The following CCDC83 variants were observed in gnomAD, a reference collection of about 807,000 sequenced individuals.
CCDC83 encodes coiled-coil domain containing 83.
Under a neutral mutation model 50.1 loss-of-function variants are expected in CCDC83, and 54 were observed. The observed-to-expected ratio is 1.08, with a 90% CI of 0.87 to 1.35. CCDC83 has a LOEUF of 1.35. CCDC83 is among the 40% of genes most tolerant of loss of function. The probability of loss-of-function intolerance (pLI) is 0.00; values close to 1 mark genes in which losing one functional copy is unlikely to be tolerated. For synonymous variants in CCDC83, 161 were observed against 153.3 expected (o/e 1.05, Z -0.37); for missense variants, 518 against 473.9 (o/e 1.09, Z -0.86).
intron 8 of CCDC83, among the ~76,000 whole-genome samples, chr11:85,914,596 T>C (rs899244392): frequency 6.6e-6 from 1 of 152,174 alleles, no homozygotes; most frequent in Non-Finnish European, 1.5e-5. Context: ...TTCAGGACAC[T>C]ATCATTCCGC....
intron 2 of CCDC83, among the ~76,000 whole-genome samples, chr11:85,867,081 A>C (rs2093211623): frequency 6.6e-6 from 1 of 152,176 alleles, no homozygotes; most frequent in African/African-American, 2.4e-5. Flanking sequence ...TTAAAGACAG[A>C]GTCTCACTCT....
In CCDC83 at chr11:85,916,051, A is replaced by AAGAAGAGAAGT; in HGVS notation, c.898_899insAGAAGAGAAGT (p.Thr300LysfsTer7). 1 of 1,611,382 alleles carries AAGAAGAGAAGT rather than the reference A, an allele frequency of 6.2e-7. No homozygotes were observed. Among genetic ancestry groups the AAGAAGAGAAGT allele is most frequent in the Non-Finnish European group, 8.5e-7 (1 of 1,178,624 alleles). Reference sequence around the variant, plus strand: ...AGAAGAGAAGTCAGAATTGCAACCCACAGAAGTAGAAAGTAGAGACTTGAT... The same window carrying AAGAAGAGAAGT: ...AGAAGAGAAGTCAGAATTGCAACCCAAGAAGAGAAGTCAGAAGTAGAAAGTAGAGACTTGAT... On this transcript the variant is annotated frameshift_variant, in exon 10 of 11. Transcript: ENST00000342404. LOFTEE classifies it high-confidence loss of function.
At position 85,912,676 on chromosome 11, in the gene CCDC83, C is replaced by T. The variant is rs111411748; in HGVS notation, c.794+1274C>T. ...ATCCAGTGCTACATTCCTGTCCCAC[C>T]TCTAATCCTCGTCATCTGCTGCTGC... On this transcript the variant is annotated intron_variant, in intron 8 of 10. Coordinates refer to ENST00000342404, the MANE Select transcript of CCDC83 (RefSeq NM_001286159.2). 5.0e-6 allele frequency: 8 copies of T among 1,611,070 alleles called. No homozygotes were observed. The African/African-American group carries it at 5.3e-5, about 11-fold the overall frequency.
At chr11:85,907,697 AG>A (rs1269856343) in intron 7 of CCDC83, among the ~76,000 whole-genome samples, 2 of 152,186 alleles carry the variant, frequency 1.3e-5, no homozygotes, top group Admixed American at 6.5e-5. Flanking sequence ...AAAAAGAAGT[AG>A]TTTTTATTCC....
Position 85,916,065 on chromosome 11 carries a change from T to A in CCDC83, c.912T>A (p.Ser304Arg). The A allele has an allele frequency of 2.5e-6, 4 of 1,612,160 alleles. No individual in the cohort carries two copies. The highest frequency in any genetic ancestry group is 3.4e-6 in the Non-Finnish European group (4 of 1,178,958). ...KSELQPTEVE[S>R]RDLMSSSDES... ...AATTGCAACCCACAGAAGTAGAAAG[T>A]AGAGACTTGATGTCCTCATCAGATG... Residue 304 changes from serine (S) to arginine (R), a missense_variant, in exon 10 of 11, where the codon AGT (serine) becomes AGA (arginine). Transcript: ENST00000342404.
chr11:85,867,029 G>T (rs2093211336), intron 2 of CCDC83, among the ~76,000 whole-genome samples: 1 of 152,164 alleles, frequency 6.6e-6, no homozygotes, highest in African/African-American at 2.4e-5. Context: ...GAGAGCCCAT[G>T]ATGCTAGTGA....
At chr11:85,915,376 T>C (rs201248038) in intron 8 of CCDC83, 43 bp from the exon 9 acceptor site, 1 of 1,378,874 alleles carries the variant, frequency 7.3e-7, no homozygotes, top group Non-Finnish European at 1.0e-6. Flanking sequence ...TGCAATGCAA[T>C]ATTTATTGAC....
At chr11:85,873,108 G>GT (rs142446208) in intron 2 of CCDC83, 103 bp from the exon 3 acceptor site, 78,638 of 509,044 alleles carry the variant, frequency 0.15, 7,186 homozygotes, top group Non-Finnish European at 0.17. Context: ...CCCTAAATGT[G>GT]TTTTCATAAT....
At chr11:85,908,836 C>T (rs1211415584) in intron 7 of CCDC83, among the ~76,000 whole-genome samples, 2 of 152,090 alleles carry the variant, frequency 1.3e-5, no homozygotes, top group Non-Finnish European at 2.9e-5. Flanking sequence ...TCACCTGAGC[C>T]TCAGGAGGTT....
In CCDC83 at chr11:85,908,099, G is replaced by A. The variant is rs141461722; in HGVS notation, c.673-3182G>A. Among the ~76,000 whole-genome samples, 933 of 152,126 alleles carry A rather than the reference G, an allele frequency of 6.1e-3. 9 individuals carry two copies. The highest frequency in any genetic ancestry group is 6.7e-3 in the Non-Finnish European group (453 of 68,000). On this transcript the variant is annotated intron_variant, in intron 7 of 10. Transcript: ENST00000342404. ...GTAATTTAGTAATCTGGACTTAAAC[G>A]GTTTTACTAAATTGTTTGAGGCAGA...
Position 85,886,333 on chromosome 11 carries a change from C to T in CCDC83, c.477C>T (p.Ile159=), listed in dbSNP as rs369217939. The T allele has an allele frequency of 1.9e-6, 3 of 1,605,838 alleles. No individual in the cohort carries two copies. The African/African-American group carries it at 4.0e-5, about 22-fold the overall frequency. ...AKLITSLQND[I]NTVKENAEKM... is the part of the protein sequence containing the mutation. Reference sequence around the variant, plus strand: ...TCATTACCTCCTTACAAAATGACATCAACACAGTTAAAGAGAATGCAGAGA... The same window carrying T: ...TCATTACCTCCTTACAAAATGACATTAACACAGTTAAAGAGAATGCAGAGA... Residue 159 remains isoleucine, a synonymous_variant, in exon 5 of 11, where the codon ATC becomes ATT. Coordinates refer to ENST00000342404, the MANE Select transcript of CCDC83 (RefSeq NM_001286159.2).
At chr11:85,862,821 T>C (rs1403492753) in intron 1 of CCDC83, among the ~76,000 whole-genome samples, 1 of 152,222 alleles carries the variant, frequency 6.6e-6, no homozygotes, top group African/African-American at 2.4e-5. Context: ...CATTAGCCCA[T>C]TGGAAAAATG....
chr11:85,919,840 A>G lies in CCDC83; in HGVS notation c.*330A>G, dbSNP rs2093500221. The G allele has an allele frequency of 4.0e-6, 1 of 248,500 alleles. No individual in the cohort carries two copies. The highest frequency in any genetic ancestry group is 7.6e-6 in the Non-Finnish European group (1 of 130,794). The allele number at this position is 248,500 out of a possible 1,614,324, so 15.4% of individuals were successfully genotyped here. On this transcript the variant is annotated 3_prime_UTR_variant, in exon 11 of 11. Coordinates refer to ENST00000342404, the MANE Select transcript of CCDC83 (RefSeq NM_001286159.2). Reference sequence around the variant, plus strand: ...CCAGTATGAAATAGTTCCATTAGAAATGTTTCTAAGAAAAACTTAGAAGTT... The same window carrying G: ...CCAGTATGAAATAGTTCCATTAGAAGTGTTTCTAAGAAAAACTTAGAAGTT...
chr11:85,917,169 A>AGAG (rs759852369), intron 10 of CCDC83, among the ~76,000 whole-genome samples: 2 of 90,166 alleles, frequency 2.2e-5, no homozygotes, highest in Admixed American at 1.1e-4. Flanking sequence ...AGAGAGAGAG[A>AGAG]AAGAAAGAAA....
At chr11:85,886,424 C>T (rs1453696015) in intron 5 of CCDC83, 57 bp downstream of exon 5, 3 of 1,384,502 alleles carry the variant, frequency 2.2e-6, no homozygotes, top group East Asian at 5.0e-5. Flanking sequence ...GTAGGGCATA[C>T]ATTGATGGAA....
intron 3 of CCDC83, among the ~76,000 whole-genome samples, chr11:85,881,377 C>CA (rs1402872595): frequency 0.021 from 2,971 of 144,898 alleles, 89 homozygotes; most frequent in African/African-American, 0.067. Context: ...CATCCCCCCC[C>CA]AAAAAAAAAA....
intron 7 of CCDC83, among the ~76,000 whole-genome samples, chr11:85,907,166 C>G (rs2093429674): frequency 6.6e-6 from 1 of 152,120 alleles, no homozygotes. Context: ...CTCCATTTAT[C>G]TCTCAGCAAT....
chr11:85,919,688 T>C lies in CCDC83; in HGVS notation c.*178T>C, dbSNP rs192329630. On this transcript the variant is annotated 3_prime_UTR_variant, in exon 11 of 11. Transcript: ENST00000342404. Reference sequence around the variant, plus strand: ...CAGCTATTCATTTACTTGCATGGTATGAGTGACCAAAACGGAAGCACGCTT... The same window carrying C: ...CAGCTATTCATTTACTTGCATGGTACGAGTGACCAAAACGGAAGCACGCTT... The C allele has an allele frequency of 1.7e-5, 10 of 572,646 alleles. No individual in the cohort carries two copies. The Admixed American group carries it at 2.4e-4, about 14-fold the overall frequency. The allele number at this position is 572,646 out of a possible 1,614,324, so 35.5% of individuals were successfully genotyped here.
intron 7 of CCDC83, among the ~76,000 whole-genome samples, chr11:85,908,790 T>C (rs1352338822): frequency 1.3e-5 from 2 of 151,064 alleles, no homozygotes; most frequent in Admixed American, 1.3e-4. Context: ...GTTCTACTAC[T>C]GCAGTTTCGC....
Sources: allele counts gnomAD v4.1 joint callset (sites outside exome capture counted in the v4.1 genomes callset), GRCh38; gene constraint gnomAD v4.1.1; transcripts MANE v1.5; gene names NCBI Gene and HGNC (gene_info 2026-07-23, HGNC 2026-07-21).